The following APBA2 variants were observed in gnomAD, a reference collection of about 807,000 sequenced individuals.
The protein encoded by APBA2 is amyloid beta precursor protein binding family A member 2, also known as amyloid-beta A4 precursor protein-binding family A member 2.
Under a neutral mutation model 75.0 loss-of-function variants are expected in APBA2, and 30 were observed. The observed-to-expected ratio is 0.40, with a 90% CI of 0.30 to 0.54. The LOEUF (loss-of-function observed/expected upper bound fraction) is 0.54, where lower values mean the gene tolerates loss of function less well. APBA2 is among the 20% of genes least tolerant of loss of function. APBA2 has a pLI of 0.49. For missense variants in APBA2, 801 were observed against 1,016.1 expected, an observed-to-expected ratio of 0.79 and a Z score of 2.88; for synonymous variants, 444 against 409.6, an observed-to-expected ratio of 1.08 and a Z score of -1.01.
intron 3 of APBA2, among the ~76,000 whole-genome samples, chr15:29,033,974 A>AG (rs1191545761): frequency 2.7e-5 from 4 of 148,484 alleles, no homozygotes; most frequent in African/African-American, 1.0e-4. Context: ...CAAAAAAAAA[A>AG]AAAAAAAAAA....
chr15:29,114,991 TGTGA>T (rs1479654134), intron 14 of APBA2, among the ~76,000 whole-genome samples: 3 of 148,302 alleles, frequency 2.0e-5, no homozygotes, highest in Non-Finnish European at 4.5e-5. Context: ...GTGAGGAGAG[TGTGA>T]GTGGGTGTGT....
At chr15:29,047,583 CT>C (rs2041396282) in intron 3 of APBA2, among the ~76,000 whole-genome samples, 3 of 152,150 alleles carry the variant, frequency 2.0e-5, no homozygotes. Flanking sequence ...TGATCTCCCC[CT>C]GGTTCAGCCA....
Position 29,095,479 on chromosome 15 carries a change from G to T in APBA2, c.1251+1166G>T, listed in dbSNP as rs1031088109. Among the ~76,000 whole-genome samples the T allele has an allele frequency of 9.2e-5, 14 of 152,344 alleles. 1 individual carries two copies. The highest frequency in any genetic ancestry group is 8.5e-4 in the Admixed American group (13 of 15,300). On this transcript the variant is annotated intron_variant, in intron 8 of 14. Transcript: ENST00000683413. Reference sequence around the variant, plus strand: ...CATCGAGTCATTTGTTTGTCACCTGGTCATTTAGTAAATGCTAGAGCTTTT... The same window carrying T: ...CATCGAGTCATTTGTTTGTCACCTGTTCATTTAGTAAATGCTAGAGCTTTT...
At chr15:28,915,945 C>A (rs2033670532) in intron 1 of APBA2, among the ~76,000 whole-genome samples, 1 of 152,126 alleles carries the variant, frequency 6.6e-6, no homozygotes, top group African/African-American at 2.4e-5. Flanking sequence ...CACACACTCA[C>A]TACCCACCAC....
intron 3 of APBA2, among the ~76,000 whole-genome samples, chr15:29,000,364 G>A (rs940239411): frequency 3.9e-5 from 6 of 152,190 alleles, no homozygotes; most frequent in African/African-American, 1.2e-4. Context: ...CTGAATGGAG[G>A]TTTGCTACAT....
intron 4 of APBA2, among the ~76,000 whole-genome samples, chr15:29,064,948 T>G (rs956772164): frequency 6.6e-6 from 1 of 152,114 alleles, no homozygotes; most frequent in East Asian, 1.9e-4. Flanking sequence ...ATGGACAGTG[T>G]CTATAGAGAC....
At chr15:29,092,204 A>G (rs117465171) in intron 6 of APBA2, among the ~76,000 whole-genome samples, 1 of 152,312 alleles carries the variant, frequency 6.6e-6, no homozygotes, top group Non-Finnish European at 1.5e-5. Context: ...AACAGAGACC[A>G]CAAAGCCTAA....
chr15:29,041,432 A>C lies in APBA2; in HGVS notation c.-40-12413A>C, dbSNP rs116774691. ...CCAGAGGTTGAGGCTGCAGTGAGCC[A>C]TATTTGTGCCACTTTACTCCAGCCT... On this transcript the variant is annotated intron_variant, in intron 3 of 14. Transcript: ENST00000683413. 9.5e-3 allele frequency among the ~76,000 whole-genome samples: 1,442 copies of C among 151,432 alleles called. 23 individuals carry two copies. Among genetic ancestry groups the C allele is most frequent in the African/African-American group, 0.034 (1,383 of 41,180 alleles).
intron 2 of APBA2, among the ~76,000 whole-genome samples, chr15:28,971,399 C>T: frequency 6.6e-6 from 1 of 152,278 alleles, no homozygotes; most frequent in African/African-American, 2.4e-5. Flanking sequence ...CCACCCAAGA[C>T]CAGGATACAG....
At position 29,054,202 on chromosome 15, in the gene APBA2, G is replaced by A; in HGVS notation, c.318G>A (p.Glu106=). 2 of 1,614,194 alleles carry A rather than the reference G, an allele frequency of 1.2e-6. No individual in the cohort carries two copies. The highest frequency in any genetic ancestry group is 1.7e-6 in the Non-Finnish European group (2 of 1,180,028). The change falls in exon 4 of 15, where the codon GAG becomes GAA. Residue 106 remains glutamate, a synonymous_variant. Coordinates refer to ENST00000683413, the MANE Select transcript of APBA2 (RefSeq NM_001353788.2). This position sits in a 1 kb window ranked among gnomAD's most constrained non-coding sequence, Gnocchi z 6.1. ...GITYYIRYCP[E]DDSYLEGMDC... is the part of the protein sequence containing the mutation. ...CCTACTACATCCGCTACTGCCCTGA[G>A]GACGACAGCTACCTAGAGGGCATGG...
At chr15:29,062,948 G>A (rs111483326) in intron 4 of APBA2, among the ~76,000 whole-genome samples, 15 of 142,176 alleles carry the variant, frequency 1.1e-4, no homozygotes, top group East Asian at 4.4e-4. Context: ...GTGGGGAGGG[G>A]AGTTGATCTG....
In APBA2 at chr15:29,117,658, T is replaced by C. The variant is rs2045281263; in HGVS notation, c.*525T>C. On this transcript the variant is annotated 3_prime_UTR_variant, in exon 15 of 15. Coordinates refer to ENST00000683413, the MANE Select transcript of APBA2 (RefSeq NM_001353788.2). ...CCAGGACACGACTTGTAATGAAAGT[T>C]TGGGGACATGTGATTGATTGATTGA... 1.4e-5 allele frequency: 2 copies of C among 143,846 alleles called. No individual in the cohort carries two copies. Among genetic ancestry groups the C allele is most frequent in the South Asian group, 4.3e-4 (2 of 4,602 alleles). 8.9% of individuals were successfully genotyped at this position (143,846 alleles called of 1,614,324 possible). A position where few individuals can be genotyped will look rare whatever the true frequency, so the allele number is the denominator to read the frequency against.
At chr15:29,084,439 G>T (rs1480033503) in intron 6 of APBA2, among the ~76,000 whole-genome samples, 1 of 151,826 alleles carries the variant, frequency 6.6e-6, no homozygotes, top group Non-Finnish European at 1.5e-5. Flanking sequence ...CATGGCTAGT[G>T]GTATTTAATC....
chr15:29,081,004 C>T (rs2152932129), intron 6 of APBA2, among the ~76,000 whole-genome samples: 1 of 152,294 alleles, frequency 6.6e-6, no homozygotes, highest in East Asian at 1.9e-4. Context: ...GTCTATAGCT[C>T]ATCAACTTGC....
intron 13 of APBA2, among the ~76,000 whole-genome samples, chr15:29,112,043 C>T (rs1313910226): frequency 1.3e-5 from 2 of 152,178 alleles, no homozygotes; most frequent in African/African-American, 4.8e-5. Context: ...CTTGGTGTCA[C>T]CTCTCTGGGC....
At chr15:29,102,010 G>C (rs1294785099) in intron 10 of APBA2, 4 of 602,130 alleles carry the variant, frequency 6.6e-6, no homozygotes, top group Non-Finnish European at 1.2e-5. Flanking sequence ...TTTATAAATT[G>C]AGTTGTGGTT....
chr15:28,966,533 A>G (rs936210597), intron 2 of APBA2, among the ~76,000 whole-genome samples: 1 of 152,130 alleles, frequency 6.6e-6, no homozygotes, highest in Non-Finnish European at 1.5e-5. Context: ...TTGGCATGAC[A>G]TGTCTTTTCC....
chr15:29,066,912 T>C (rs1199805575), intron 4 of APBA2, among the ~76,000 whole-genome samples: 2 of 152,088 alleles, frequency 1.3e-5, no homozygotes, highest in Non-Finnish European at 2.9e-5. Context: ...AAAAGAGGTT[T>C]AATTGGCTGA....
intron 3 of APBA2, among the ~76,000 whole-genome samples, chr15:29,017,614 G>A (rs1296882762): frequency 6.6e-6 from 1 of 151,902 alleles, no homozygotes. Context: ...CAAGTGATCC[G>A]TCCACCCTGG....
Sources: allele counts gnomAD v4.1 joint callset (sites outside exome capture counted in the v4.1 genomes callset), GRCh38; gene constraint gnomAD v4.1.1; non-coding constraint Gnocchi (gnomAD v3.1); transcripts MANE v1.5; gene names NCBI Gene and HGNC (gene_info 2026-07-23, HGNC 2026-07-21).